Variants in POLR1E observed in about 807,000 individuals in gnomAD.
POLR1E encodes the protein DNA-directed RNA polymerase I subunit RPA49.
In POLR1E, 37 loss-of-function variants were observed where a neutral mutation model predicts 50.9. That is an observed-to-expected ratio of 0.73 (90% confidence interval 0.56 to 0.96). POLR1E has a LOEUF of 0.96. Ranked by LOEUF, POLR1E falls within the 40% of genes least tolerant of loss-of-function variation. POLR1E has a pLI of 0.00. For missense variants in POLR1E, 426 were observed against 518.1 expected (o/e 0.82, Z 1.73); for synonymous variants, 166 against 191.6 (o/e 0.87, Z 1.10).
intron 3 of POLR1E, 65 bp from the exon 4 acceptor site, chr9:37,489,245 AAAAAG>A: frequency 7.6e-7 from 1 of 1,319,502 alleles, no homozygotes; most frequent in African/African-American, 1.5e-5. Context: ...CAAAAAAAAA[AAAAAG>A]AAAGCTGTAC....
At chr9:37,501,932 G>T in intron 11 of POLR1E, 88 bp downstream of exon 11, 1 of 1,383,058 alleles carries the variant, frequency 7.2e-7, no homozygotes, top group Non-Finnish European at 9.7e-7. Flanking sequence ...ACCACCAAGG[G>T]AACTGAGGAT....
chr9:37,492,509 C>A, intron 4 of POLR1E, 148 bp from the exon 5 acceptor site: 2 of 829,470 alleles, frequency 2.4e-6, no homozygotes, highest in Non-Finnish European at 3.8e-6. Context: ...ATTAAATATT[C>A]ACAGTATACA....
intron 10 of POLR1E, 97 bp downstream of exon 10, chr9:37,501,018 G>A: frequency 3.4e-6 from 4 of 1,192,000 alleles, no homozygotes; most frequent in Non-Finnish European, 4.8e-6. Context: ...CATGTCCACG[G>A]AGATGCAGTG....
chr9:37,492,422 G>A (rs2119005216), intron 4 of POLR1E: 2 of 996,520 alleles, frequency 2.0e-6, no homozygotes, highest in East Asian at 3.5e-5. Flanking sequence ...TTTCTAAAAT[G>A]AAGAGGTTGG....
intron 2 of POLR1E, 122 bp from the exon 3 acceptor site, chr9:37,487,741 G>C (rs1285774108): frequency 3.3e-6 from 3 of 906,696 alleles, no homozygotes; most frequent in Non-Finnish European, 5.3e-6. Flanking sequence ...TGCCAGAGAT[G>C]AACTAGTTCT....
chr9:37,496,635 T>A (rs1027033734), intron 8 of POLR1E, among the ~76,000 whole-genome samples: 48 of 141,484 alleles, frequency 3.4e-4, no homozygotes, highest in Admixed American at 2.5e-3. Flanking sequence ...TTTTTTTTTT[T>A]TTTTTTTGCT....
Position 37,493,572 on chromosome 9 carries a change from T to C in POLR1E, c.416T>C (p.Ile139Thr), listed in dbSNP as rs774485274. Residue 139 changes from isoleucine to threonine, a missense_variant, in exon 6 of 12, where the codon ATT (isoleucine) becomes ACT (threonine). Transcript: ENST00000377798. ...TCTCATAAACAGATGGATTCTTGTA[T>C]TGAAGCCTTTGGTACCACCAAACAG... The part of the protein sequence containing the change: ...KTYREKMDSC[I>T]EAFGTTKQKR... 1.2e-6 allele frequency: 2 copies of C among 1,603,548 alleles called. No homozygotes were observed. The highest frequency in any genetic ancestry group is 1.7e-6 in the Non-Finnish European group (2 of 1,174,202).
Position 37,503,174 on chromosome 9 carries a change from G to A in POLR1E, c.1232G>A (p.Arg411His), listed in dbSNP as rs149113581. ...CTGCCTCCAGCCCAGACCTCAGACCGCCTGGCAAAGCGGAGGAAGATTACC... is the reference window on the plus strand; with the variant it reads ...CTGCCTCCAGCCCAGACCTCAGACCACCTGGCAAAGCGGAGGAAGATTACC... ...LPLPPAQTSD[R>H]LAKRRKIT The change falls in exon 12 of 12, where the codon CGC (arginine) becomes CAC (histidine). Residue 411 changes from arginine (R) to histidine (H), a missense_variant. Arg to His is a conservative substitution (Grantham distance 29). Transcript: ENST00000377798. 5.6e-6 allele frequency: 9 copies of A among 1,610,114 alleles called. No homozygotes were observed. The highest frequency in any genetic ancestry group is 1.1e-5 in the South Asian group (1 of 90,684).
At position 37,503,342 on chromosome 9, in the gene POLR1E, C is replaced by T. The variant is rs561061635; in HGVS notation, c.*140C>T. ...CCTGAAATCCCAGCACTTTGGGAGG[C>T]CGAGGCAGGAAGATCATTGAGCTCA... On this transcript the variant is annotated 3_prime_UTR_variant, in exon 12 of 12. Coordinates refer to ENST00000377798, the MANE Select transcript of POLR1E (RefSeq NM_022490.4). 8.7e-5 allele frequency: 91 copies of T among 1,049,338 alleles called. 2 individuals are homozygous for T. The Middle Eastern group carries it at 9.8e-4, about 11-fold the overall frequency. The allele number at this position is 1,049,338 out of a possible 1,614,324, so 65.0% of individuals were successfully genotyped here. A position where few individuals can be genotyped will look rare whatever the true frequency, so the allele number is the denominator to read the frequency against.
intron 5 of POLR1E, among the ~76,000 whole-genome samples, chr9:37,493,335 C>T (rs1042103676): frequency 6.6e-6 from 1 of 152,166 alleles, no homozygotes; most frequent in Admixed American, 6.5e-5. Flanking sequence ...TAATCCTAGT[C>T]AAGTCTTTAT....
At chr9:37,501,657 G>A (rs1820889784) in intron 10 of POLR1E, 56 bp from the exon 11 acceptor site, 1 of 1,578,374 alleles carries the variant, frequency 6.3e-7, no homozygotes, top group Admixed American at 1.8e-5. Context: ...TTTGCTTTTG[G>A]AGAAATTGTC....
intron 1 of POLR1E, chr9:37,486,374 A>G: frequency 1.3e-6 from 2 of 1,488,082 alleles, no homozygotes; most frequent in South Asian, 2.7e-5. Flanking sequence ...CCCCTCACCC[A>G]CCAGGTCTCC....
In POLR1E at chr9:37,503,136, C is replaced by G. The variant is rs1427209557; in HGVS notation, c.1194C>G (p.Thr398=). The G allele has an allele frequency of 6.2e-7, 1 of 1,613,854 alleles. No homozygotes were observed. The highest frequency in any genetic ancestry group is 1.7e-5 in the Admixed American group (1 of 60,024). The change falls in exon 12 of 12, where the codon ACC becomes ACG. Residue 398 remains threonine, a synonymous_variant. Coordinates refer to ENST00000377798, the MANE Select transcript of POLR1E (RefSeq NM_022490.4). ...GTGAAGAAGATCACAAGCTGGGCAC[C>G]CTGTCCCTCCCGCTGCCTCCAGCCC... The part of the protein sequence containing the change: ...AGSEEDHKLG[T]LSLPLPPAQT...
At chr9:37,487,996 A>C (rs746379063) in intron 3 of POLR1E, 57 bp downstream of exon 3, 50 of 1,537,294 alleles carry the variant, frequency 3.3e-5, no homozygotes, top group Non-Finnish European at 4.5e-5. Context: ...TGGTGGCAGC[A>C]CTGGCACTGC....
rs761241311 is a variant in POLR1E, at chr9:37,486,716, C to T, written c.90C>T (p.Asn30=). 1.1e-5 allele frequency: 17 copies of T among 1,614,096 alleles called. No homozygotes were observed. The highest frequency in any genetic ancestry group is 7.7e-5 in the South Asian group (7 of 91,094). The change falls in exon 2 of 12, where the codon AAC becomes AAT. Residue 30 remains asparagine, a synonymous_variant. Coordinates refer to ENST00000377798, the MANE Select transcript of POLR1E (RefSeq NM_022490.4). The part of the protein sequence containing the change: ...SQRAVLVQFS[N]GKLQSPGNMR... ...GCACTCTTACAGTCCAGTTCTCCAA[C>T]GGGAAGCTACAGAGTCCAGGCAACA...
intron 5 of POLR1E, among the ~76,000 whole-genome samples, chr9:37,493,193 G>A (rs1426080434): frequency 6.6e-6 from 1 of 152,170 alleles, no homozygotes; most frequent in African/African-American, 2.4e-5. Flanking sequence ...TGCTTCAGGG[G>A]GAAGGAGTCA....
At chr9:37,502,940 T>C (rs925094563) in intron 11 of POLR1E, 103 bp from the exon 12 acceptor site, 1 of 1,255,890 alleles carries the variant, frequency 8.0e-7, no homozygotes, top group Admixed American at 2.5e-5. Context: ...TGGGATTCTG[T>C]CTTTATGGCC....
At chr9:37,493,042 T>G (rs16934178) in intron 5 of POLR1E, among the ~76,000 whole-genome samples, 6,184 of 152,268 alleles carry the variant, frequency 0.041, 424 homozygotes, top group African/African-American at 0.14. Context: ...CCTGAAAACA[T>G]TCACGTTAAA....
chr9:37,502,709 G>T (rs1441751873), intron 11 of POLR1E, among the ~76,000 whole-genome samples: 1 of 152,220 alleles, frequency 6.6e-6, no homozygotes, highest in East Asian at 1.9e-4. Flanking sequence ...CAGGTACTTG[G>T]AACCTGTCAG....
Sources: gnomAD v4.1 joint callset for allele counts (sites outside exome capture counted in the v4.1 genomes callset) on GRCh38, gnomAD v4.1.1 for gene constraint, MANE v1.5 for transcripts, NCBI Gene and HGNC (gene_info 2026-07-23, HGNC 2026-07-21) for gene names.